RP1L1: variants seen among roughly 807,000 people sequenced by gnomAD.
RP1L1 encodes RP1 like 1.
In RP1L1, 27 loss-of-function variants were observed where a neutral mutation model predicts 15.7. The observed-to-expected ratio is 1.72, with a 90% CI of 1.27 to 2.38. The LOEUF is 2.38. Ranked by LOEUF, RP1L1 falls within the 30% of genes most tolerant of loss-of-function variation. RP1L1 has a pLI of 0.00. For synonymous variants in RP1L1, 1,813 were observed against 1,276.7 expected (o/e 1.42, Z -8.96); for missense variants, 4,798 against 3,075.9 (o/e 1.56, Z -13.24).
intron 1 of RP1L1, among the ~76,000 whole-genome samples, chr8:10,633,879 T>A (rs1310688970): frequency 6.6e-6 from 1 of 152,192 alleles, no homozygotes. Context: ...CTTTTCAGCC[T>A]CCCTGAAGTT....
chr8:10,613,460 T>C, intron 3 of RP1L1, 114 bp from the exon 4 acceptor site: 1 of 1,443,394 alleles, frequency 6.9e-7, no homozygotes, highest in African/African-American at 1.4e-5. Context: ...GCATCACCAC[T>C]GCCTCCAAAA....
At chr8:10,625,027 G>A (rs539748029) in intron 1 of RP1L1, among the ~76,000 whole-genome samples, 10 of 152,298 alleles carry the variant, frequency 6.6e-5, no homozygotes, top group Non-Finnish European at 1.3e-4. Context: ...GGATGACAGG[G>A]GACAATCACT....
chr8:10,646,932 C>T (rs180953943), intron 1 of RP1L1, among the ~76,000 whole-genome samples: 1 of 152,366 alleles, frequency 6.6e-6, no homozygotes, highest in Admixed American at 6.5e-5. Context: ...CAACCTCCCC[C>T]CCTCAGTTGT....
At chr8:10,638,353 G>C (rs1358863825) in intron 1 of RP1L1, among the ~76,000 whole-genome samples, 1 of 152,170 alleles carries the variant, frequency 6.6e-6, no homozygotes, top group Non-Finnish European at 1.5e-5. Flanking sequence ...AACTTCCCCT[G>C]AATGCTGGGG....
intron 1 of RP1L1, among the ~76,000 whole-genome samples, chr8:10,638,202 T>C (rs182509141): frequency 6.6e-6 from 1 of 152,368 alleles, no homozygotes; most frequent in Non-Finnish European, 1.5e-5. Context: ...AATACCGATA[T>C]GCTTGCCCAT....
Position 10,611,036 on chromosome 8 carries a change from T to A in RP1L1, c.3062A>T (p.Asp1021Val). The change falls in exon 4 of 4, where the codon GAC (aspartate) becomes GTC (valine). Residue 1021 changes from aspartate (D) to valine (V), a missense_variant. Asp to Val is a radical substitution (Grantham distance 152). Transcript: ENST00000382483. ...QQSLEGDPGQ[D>V]PEPEGALLGS... ...CAGGAGGGCTCCCTCTGGCTCTGGG[T>A]CCTGGCCGGGGTCCCCTTCCAGGGA... 1 of 1,612,718 alleles carries A rather than the reference T, an allele frequency of 6.2e-7. No individual in the cohort carries two copies. The highest frequency in any genetic ancestry group is 8.5e-7 in the Non-Finnish European group (1 of 1,179,972).
At chr8:10,646,341 G>C (rs1217631539) in intron 1 of RP1L1, among the ~76,000 whole-genome samples, 1 of 152,200 alleles carries the variant, frequency 6.6e-6, no homozygotes, top group Non-Finnish European at 1.5e-5. Flanking sequence ...TTTCAACCCA[G>C]AAGCAGACAC....
intron 1 of RP1L1, among the ~76,000 whole-genome samples, chr8:10,639,820 G>A (rs1214902416): frequency 2.0e-5 from 3 of 152,196 alleles, no homozygotes; most frequent in African/African-American, 7.2e-5. Context: ...AAAGATGAAT[G>A]CCGTTTAACT....
chr8:10,617,869 TA>T (rs1217258345), intron 2 of RP1L1, among the ~76,000 whole-genome samples: 6 of 152,190 alleles, frequency 3.9e-5, no homozygotes, highest in Admixed American at 3.9e-4. Context: ...AAGTTTGTTT[TA>T]AATGACGAGG....
intron 2 of RP1L1, among the ~76,000 whole-genome samples, chr8:10,619,876 G>A (rs1290291658): frequency 2.0e-5 from 3 of 150,718 alleles, no homozygotes; most frequent in South Asian, 4.2e-4. Context: ...CAGAAGAATC[G>A]CTTGAACCTA....
Position 10,611,411 on chromosome 8 carries a change from C to T in RP1L1, c.2687G>A (p.Gly896Asp), listed in dbSNP as rs774135283. 7 of 1,593,628 alleles carry T rather than the reference C, an allele frequency of 4.4e-6. No homozygotes were observed. Among genetic ancestry groups the T allele is most frequent in the South Asian group, 1.1e-5 (1 of 89,276 alleles). The stretch of plus-strand genomic sequence containing the variant: ...ATTGGGGCCTGGGGACGGCGTGGGG[C>T]CTGGCTGGCGTGTCCCCTCCTGCGG... ...GSPQEGTRQP[G>D]PTPSPGPNSG... Residue 896 changes from glycine (G) to aspartate (D), a missense_variant, in exon 4 of 4, where the codon GGC (glycine) becomes GAC (aspartate). Physicochemically the swap from Gly to Asp is moderately conservative, Grantham distance 94. Coordinates refer to ENST00000382483, the MANE Select transcript of RP1L1 (RefSeq NM_178857.6).
At position 10,616,534 on chromosome 8, in the gene RP1L1, C is replaced by G. The variant is rs768709219; in HGVS notation, c.663G>C (p.Gly221=). 4 of 1,613,962 alleles carry G rather than the reference C, an allele frequency of 2.5e-6. No individual in the cohort carries two copies. In the African/African-American group the frequency reaches 5.3e-5, roughly 22 times the overall value. Residue 221 remains glycine, a synonymous_variant, in exon 3 of 4, where the codon GGG becomes GGC. Transcript: ENST00000382483. The part of the protein sequence containing the change: ...LHSPSVLVCA[G]HEAFRTPAMK... The stretch of plus-strand genomic sequence containing the variant: ...TGGCTGGGGTTCTGAAGGCCTCATG[C>G]CCGGCACACACCAGCACAGAGGGGC...
At chr8:10,651,889 C>A (rs182766425) in intron 1 of RP1L1, among the ~76,000 whole-genome samples, 1 of 152,126 alleles carries the variant, frequency 6.6e-6, no homozygotes, top group Admixed American at 6.5e-5. Context: ...AATGACAGTG[C>A]CCCATGAGAT....
Position 10,609,383 on chromosome 8 carries a change from G to C in RP1L1, c.4715C>G (p.Thr1572Ser). The change falls in exon 4 of 4, where the codon ACC becomes AGC. Residue 1572 changes from threonine to serine, a missense_variant. Transcript: ENST00000382483. Reference sequence around the variant, plus strand: ...CTGGAGCTTCTGGAGCTCTCTCTTGGTGCTGTCCTGGAGGCGTTGGGCCAC... The same window carrying C: ...CTGGAGCTTCTGGAGCTCTCTCTTGCTGCTGTCCTGGAGGCGTTGGGCCAC... ...QDVAQRLQDS[T>S]KRELQKLQGR... 6.2e-7 allele frequency: 1 copy of C among 1,612,476 alleles called. No homozygotes were observed. The highest frequency in any genetic ancestry group is 8.5e-7 in the Non-Finnish European group (1 of 1,179,916).
Position 10,611,980 on chromosome 8 carries a change from T to C in RP1L1, c.2118A>G (p.Gly706=). 6.2e-7 allele frequency: 1 copy of C among 1,613,804 alleles called. No homozygotes were observed. The highest frequency in any genetic ancestry group is 8.5e-7 in the Non-Finnish European group (1 of 1,180,000). Residue 706 remains glycine, a synonymous_variant, in exon 4 of 4, where the codon GGA becomes GGG. Coordinates refer to ENST00000382483, the MANE Select transcript of RP1L1 (RefSeq NM_178857.6). ...CQDGSVPRYS[G]SSSSTRTQAS... ...CCTGTGTCCTGGTGCTCGATGAGCT[T>C]CCAGAATATCGTGGCACTGAGCCAT...
chr8:10,621,030 T>C (rs2117221918), intron 2 of RP1L1: 1 of 152,356 alleles, frequency 6.6e-6, no homozygotes, highest in Non-Finnish European at 1.5e-5. Context: ...GTAGATAGCC[T>C]AATTTTTGTC....
At chr8:10,647,759 T>A (rs970066023) in intron 1 of RP1L1, among the ~76,000 whole-genome samples, 2 of 152,248 alleles carry the variant, frequency 1.3e-5, no homozygotes, top group African/African-American at 4.8e-5. Flanking sequence ...ATCCATGGAT[T>A]ATTTCTACCT....
intron 1 of RP1L1, among the ~76,000 whole-genome samples, chr8:10,651,894 T>A (rs1798568420): frequency 6.6e-6 from 1 of 151,244 alleles, no homozygotes. Context: ...CAGTGCCCCA[T>A]GAGATGATCA....
At chr8:10,638,752 C>G (rs1002785594) in intron 1 of RP1L1, among the ~76,000 whole-genome samples, 3 of 152,088 alleles carry the variant, frequency 2.0e-5, no homozygotes, top group African/African-American at 4.8e-5. Flanking sequence ...GCTCTCCAGA[C>G]GGAGGGACAC....
Sources: allele counts gnomAD v4.1 joint callset (sites outside exome capture counted in the v4.1 genomes callset), GRCh38; gene constraint gnomAD v4.1.1; transcripts MANE v1.5; gene names NCBI Gene and HGNC (gene_info 2026-07-23, HGNC 2026-07-21).